The following BANF2 variants were observed in gnomAD, a reference collection of about 807,000 sequenced individuals.
BANF2 encodes the protein barrier-to-autointegration factor-like protein.
A neutral mutation model predicts 8.0 loss-of-function variants in BANF2; 4 were observed. The ratio of observed to expected loss-of-function variants is 0.50; its 90% CI spans 0.25 to 1.14. BANF2 has a LOEUF of 1.14. Among genes scored for constraint, BANF2 ranks in the 50% most tolerant of loss-of-function variants. BANF2 has a pLI of 0.16. For missense variants in BANF2, 96 were observed against 107.5 expected (o/e 0.89, Z 0.47); for synonymous variants, 50 against 40.6 (o/e 1.23, Z -0.88).
At chr20:17,710,761 G>A (rs6131989) in intron 1 of BANF2, among the ~76,000 whole-genome samples, 45,750 of 152,112 alleles carry the variant, frequency 0.3, 8,657 homozygotes, top group Admixed American at 0.47. Flanking sequence ...GTCAGTCTGT[G>A]GCTTTCATCA....
chr20:17,733,795 A>G (rs1273568592), intron 3 of BANF2, among the ~76,000 whole-genome samples: 2 of 152,200 alleles, frequency 1.3e-5, no homozygotes, highest in Non-Finnish European at 2.9e-5. Flanking sequence ...GACCATGACT[A>G]AAAATAAAGC....
chr20:17,693,694 G>A (rs770707854), exon 1 of BANF2: 3 of 1,551,522 alleles, frequency 1.9e-6, no homozygotes, highest in East Asian at 4.9e-5. Flanking sequence ...GCTGAATGCT[G>A]CGAGGAACAA....
chr20:17,701,337 T>A (rs1266839479), intron 1 of BANF2, among the ~76,000 whole-genome samples: 1 of 152,212 alleles, frequency 6.6e-6, no homozygotes, highest in Admixed American at 6.5e-5. Flanking sequence ...TTGCTCTTAA[T>A]TCCGACCTCT....
chr20:17,725,970 C>A (rs1053234911), intron 3 of BANF2, among the ~76,000 whole-genome samples: 1 of 152,100 alleles, frequency 6.6e-6, no homozygotes, highest in African/African-American at 2.4e-5. Context: ...ACCATGAGAG[C>A]CATGGTTTTC....
chr20:17,722,434 T>C (rs1043466572), intron 1 of BANF2, among the ~76,000 whole-genome samples: 1 of 152,364 alleles, frequency 6.6e-6, no homozygotes, highest in Admixed American at 6.5e-5. Flanking sequence ...TTCAGGCTTT[T>C]CCTTGCTCAG....
chr20:17,697,934 G>A (rs2037362506), upstream of BANF2, among the ~76,000 whole-genome samples: 3 of 152,182 alleles, frequency 2.0e-5, no homozygotes, highest in South Asian at 6.2e-4. Context: ...GCCGGGTACG[G>A]TGGGTCATGC....
At chr20:17,718,843 C>G (rs189421890) in intron 1 of BANF2, among the ~76,000 whole-genome samples, 3 of 152,230 alleles carry the variant, frequency 2.0e-5, no homozygotes, top group Admixed American at 2.0e-4. Flanking sequence ...TTGGTCATTC[C>G]CTGCCGATGT....
At chr20:17,695,467 AAAG>A (rs1436956545), upstream of BANF2, among the ~76,000 whole-genome samples, 1 of 151,048 alleles carries the variant, frequency 6.6e-6, no homozygotes, top group Non-Finnish European at 1.5e-5. Context: ...AAAAAAAAAA[AAAG>A]TAGAGTCGCA....
intron 1 of BANF2, chr20:17,712,426 C>A: frequency 1.6e-6 from 1 of 636,064 alleles, no homozygotes; most frequent in Non-Finnish European, 2.0e-6. Flanking sequence ...CATCTCCTGC[C>A]AAGTCCTGGA....
At chr20:17,721,221 T>C (rs1436872355) in intron 1 of BANF2, among the ~76,000 whole-genome samples, 1 of 152,158 alleles carries the variant, frequency 6.6e-6, no homozygotes, top group Non-Finnish European at 1.5e-5. Context: ...AGTGGTCCCA[T>C]TCCCCTGGCC....
At chr20:17,705,344 A>G (rs1190005111) in intron 1 of BANF2, among the ~76,000 whole-genome samples, 4 of 152,208 alleles carry the variant, frequency 2.6e-5, no homozygotes, top group Non-Finnish European at 4.4e-5. Flanking sequence ...GGCTGAGAAA[A>G]CAGAGGGCGG....
chr20:17,694,338 C>A (rs886264796), intron 1 of BANF2, among the ~76,000 whole-genome samples: 1 of 151,990 alleles, frequency 6.6e-6, no homozygotes, highest in African/African-American at 2.4e-5. Context: ...CTGAATCACC[C>A]GAGGGAACCA....
intron 1 of BANF2, among the ~76,000 whole-genome samples, chr20:17,700,952 A>C (rs1224426678): frequency 1.3e-5 from 2 of 152,168 alleles, no homozygotes; most frequent in Non-Finnish European, 2.9e-5. Context: ...TCTCCCACAA[A>C]GGAGTGGCTT....
In BANF2 at chr20:17,694,599, C is replaced by CTTTTTTTTT. The variant is rs1256251082; in HGVS notation, c.18+894_18+895insTTTTTTTTT. Among the ~76,000 whole-genome samples the CTTTTTTTTT allele has an allele frequency of 2.4e-3, 196 of 82,730 alleles. 12 individuals carry two copies. The highest frequency in any genetic ancestry group is 7.7e-3 in the Middle Eastern group (1 of 130). 54.3% of individuals were successfully genotyped at this position (82,730 alleles called of 152,430 possible). On this transcript the variant is annotated intron_variant, in intron 1 of 2. Coordinates refer to the BANF2 transcript ENST00000545418. Reference sequence around the variant, plus strand: ...AGGGGGCTATTTTTGTTTTTTCTCTCTCTTTTTTTTTTTTTTTTTTTTTTT... The same window carrying CTTTTTTTTT: ...AGGGGGCTATTTTTGTTTTTTCTCTCTTTTTTTTTTCTTTTTTTTTTTTTTTTTTTTTTT...
At chr20:17,734,299 G>C (rs551476383) in intron 3 of BANF2, among the ~76,000 whole-genome samples, 2 of 152,278 alleles carry the variant, frequency 1.3e-5, no homozygotes, top group South Asian at 4.2e-4. Flanking sequence ...CAGAGACTGA[G>C]GAAGGGGAAC....
At chr20:17,700,506 G>A (rs139159588) in intron 1 of BANF2, among the ~76,000 whole-genome samples, 207 of 152,326 alleles carry the variant, frequency 1.4e-3, no homozygotes, top group African/African-American at 4.6e-3. Context: ...AAATGTGAAC[G>A]ACGGTCCTTC....
intron 2 of BANF2, among the ~76,000 whole-genome samples, chr20:17,723,120 A>C (rs556805158): frequency 2.6e-5 from 4 of 152,294 alleles, no homozygotes; most frequent in Admixed American, 2.6e-4. Context: ...AGGGGTAACT[A>C]TCCCCAGGAA....
intron 1 of BANF2, among the ~76,000 whole-genome samples, chr20:17,709,905 C>T (rs1182384153): frequency 6.6e-6 from 1 of 152,204 alleles, no homozygotes; most frequent in Non-Finnish European, 1.5e-5. Context: ...TTCCCAGTTG[C>T]TGACCTGATC....
At position 17,732,671 on chromosome 20, in the gene BANF2, C is replaced by T. The variant is rs117569012; in HGVS notation, c.127-2994C>T. ...ACACCTGGCCGAGCCCCCCCTCTTA[C>T]AGCTGCAGGACGGAATGTAATTCCC... On this transcript the variant is annotated intron_variant, in intron 3 of 3. Coordinates refer to ENST00000246090, the MANE Select transcript of BANF2 (RefSeq NM_178477.5). 5.7e-3 allele frequency among the ~76,000 whole-genome samples: 870 copies of T among 152,276 alleles called. 5 individuals are homozygous for T. Among genetic ancestry groups the T allele is most frequent in the East Asian group, 0.019 (100 of 5,176 alleles).
Sources: allele counts gnomAD v4.1 joint callset (sites outside exome capture counted in the v4.1 genomes callset), GRCh38; gene constraint gnomAD v4.1.1; transcripts MANE v1.5; gene names NCBI Gene and HGNC (gene_info 2026-07-23, HGNC 2026-07-21).